TXNRD2: variants seen among roughly 807,000 people sequenced by gnomAD.
TXNRD2 encodes thioredoxin reductase 2, mitochondrial.
A neutral mutation model predicts 70.8 loss-of-function variants in TXNRD2; 67 were observed. The ratio of observed to expected loss-of-function variants is 0.95; its 90% CI spans 0.78 to 1.16. The LOEUF (loss-of-function observed/expected upper bound fraction) is 1.16, where lower values mean the gene tolerates loss of function less well. TXNRD2 is among the 50% of genes most tolerant of loss of function. The probability of loss-of-function intolerance (pLI) is 0.00; values close to 1 mark genes in which losing one functional copy is unlikely to be tolerated. For synonymous variants in TXNRD2, 301 were observed against 295.8 expected (o/e 1.02, Z -0.18); for missense variants, 644 against 719.9 (o/e 0.89, Z 1.21).
At position 19,880,679 on chromosome 22, in the gene TXNRD2, C is replaced by A. The variant is rs751340186; in HGVS notation, c.1125G>T (p.Gly375=). 5.0e-6 allele frequency: 8 copies of A among 1,613,252 alleles called. No homozygotes were observed. The African/African-American group carries it at 9.3e-5, about 19-fold the overall frequency. ...CGAAGAGCCGCTGCACCAGGAGCCT[C>A]CCGGCCATGATCGCTATGGGTGTCA... The part of the protein sequence containing the change: ...PELTPIAIMA[G]RLLVQRLFGG... Residue 375 remains glycine (G), a synonymous_variant, in exon 13 of 18, where the codon GGG becomes GGT. Coordinates refer to ENST00000400521, the MANE Select transcript of TXNRD2 (RefSeq NM_006440.5).
At chr22:19,937,799 T>C (rs1376415567) in intron 1 of TXNRD2, among the ~76,000 whole-genome samples, 1 of 152,196 alleles carries the variant, frequency 6.6e-6, no homozygotes, top group Admixed American at 6.5e-5. Flanking sequence ...AGGGTAAACA[T>C]TGGGCAAGTA....
At chr22:19,911,049 T>C in intron 8 of TXNRD2, 1 of 374,354 alleles carries the variant, frequency 2.7e-6, no homozygotes, top group Admixed American at 3.9e-5. Flanking sequence ...CAATTCAGTT[T>C]GGGGGACAGA....
rs114533157 is a variant in TXNRD2 at position 19,917,217 on chromosome 22, C to T, written c.449+926G>A. Among the ~76,000 whole-genome samples, 776 of 152,286 alleles carry T rather than the reference C, an allele frequency of 5.1e-3. 6 individuals carry two copies. Among genetic ancestry groups the T allele is most frequent in the African/African-American group, 0.017 (723 of 41,560 alleles). On this transcript the variant is annotated intron_variant, in intron 5 of 17. Transcript: ENST00000400521. ...CAGTGGGCTGGGCCTGTTTGGTGCC[C>T]GTCCAGGAGCTGCCCAGGGCAGGGA...
chr22:19,893,372 C>T (rs1010164384), intron 11 of TXNRD2, among the ~76,000 whole-genome samples: 1 of 152,222 alleles, frequency 6.6e-6, no homozygotes, highest in Admixed American at 6.5e-5. Context: ...ATTGGGAAAA[C>T]TAGGAGCCTA....
Position 19,880,743 on chromosome 22 carries a change from G to A in TXNRD2, c.1087-26C>T, listed in dbSNP as rs375205445. 1.3e-4 allele frequency: 200 copies of A among 1,555,420 alleles called. No homozygotes were observed. The East Asian group carries it at 2.0e-3, about 16-fold the overall frequency. ...CTTGGGGAAGGCACAGGGGGGCCAC[G>A]TCAGCACCATGTCCGGGGTTATATG... On this transcript the variant is annotated intron_variant, in intron 12 of 17. Coordinates refer to ENST00000400521, the MANE Select transcript of TXNRD2 (RefSeq NM_006440.5).
chr22:19,880,631 G>T lies in TXNRD2; in HGVS notation c.1173C>A (p.Asp391Glu). The T allele has an allele frequency of 6.2e-7, 1 of 1,613,342 alleles. No homozygotes were observed. ...RLFGGSSDLMDYDNVPTTVFT... is the reference protein window; with the variant it reads ...RLFGGSSDLMEYDNVPTTVFT... Reference sequence around the variant, plus strand: ...CTGCTAGAGAACTCACATTGTCGTAGTCCATCAGATCTGAGGACCCGCCGA... The same window carrying T: ...CTGCTAGAGAACTCACATTGTCGTATTCCATCAGATCTGAGGACCCGCCGA... The change falls in exon 13 of 18, where the codon GAC (aspartate) becomes GAA (glutamate). Residue 391 changes from aspartate to glutamate, a missense_variant. Around this residue, in one of 3 missense-constraint regions of TXNRD2, gnomAD observed 566 missense variants for 645.0 expected, o/e 0.88. Coordinates refer to ENST00000400521, the MANE Select transcript of TXNRD2 (RefSeq NM_006440.5).
At chr22:19,932,004 CA>C (rs1428152613) in intron 1 of TXNRD2, among the ~76,000 whole-genome samples, 3 of 151,164 alleles carry the variant, frequency 2.0e-5, no homozygotes, top group African/African-American at 4.9e-5. Flanking sequence ...ACTAAAAATA[CA>C]AAAAAATTAG....
At chr22:19,915,098 A>G (rs529761156) in intron 7 of TXNRD2, 116 bp downstream of exon 7, 1 of 925,408 alleles carries the variant, frequency 1.1e-6, no homozygotes, top group Admixed American at 2.0e-5. Flanking sequence ...TAGTGAGTAT[A>G]GGGGGAAAGG....
chr22:19,890,575 C>T (rs1477321640), intron 11 of TXNRD2, among the ~76,000 whole-genome samples: 2 of 152,078 alleles, frequency 1.3e-5, no homozygotes, highest in African/African-American at 4.8e-5. Context: ...GCAGCCCCCT[C>T]GCCCGGGCAG....
rs150286276 is a variant in TXNRD2 at position 19,903,483 on chromosome 22, G to A, written c.663-4415C>T. 7.9e-5 allele frequency among the ~76,000 whole-genome samples: 12 copies of A among 152,324 alleles called. No homozygotes were observed. In the South Asian group the frequency reaches 1.9e-3, roughly 24 times the overall value. ...AAAACCTGGCACTGAGGGAGAAGAC[G>A]AAGCCCAGGGCCGTGGGTGTGCAAG... On this transcript the variant is annotated intron_variant, in intron 8 of 17. Coordinates refer to ENST00000400521, the MANE Select transcript of TXNRD2 (RefSeq NM_006440.5).
intron 8 of TXNRD2, among the ~76,000 whole-genome samples, chr22:19,910,526 A>G (rs1056635507): frequency 6.6e-6 from 1 of 152,182 alleles, no homozygotes; most frequent in Admixed American, 6.5e-5. Flanking sequence ...GACTCCATTT[A>G]TATGGCAGTC....
chr22:19,933,644 G>A (rs896147019), intron 1 of TXNRD2: 12 of 479,264 alleles, frequency 2.5e-5, no homozygotes, highest in Non-Finnish European at 3.4e-5. Flanking sequence ...TAGGGCAGTC[G>A]TTTGCAAGCA....
At chr22:19,932,628 G>A (rs1941409990) in intron 1 of TXNRD2, 8 of 1,388,688 alleles carry the variant, frequency 5.8e-6, no homozygotes, top group Non-Finnish European at 7.5e-6. Context: ...CAGTCTGCTG[G>A]GGTGAGGGCA....
intron 1 of TXNRD2, among the ~76,000 whole-genome samples, chr22:19,936,939 G>A (rs1020849982): frequency 6.6e-6 from 1 of 152,138 alleles, no homozygotes; most frequent in African/African-American, 2.4e-5. Flanking sequence ...TAATGCTCAA[G>A]GGGTACAAGT....
rs1480899271 is a variant in TXNRD2 at position 19,919,523 on chromosome 22, T to TC, written c.229+19dup. On this transcript the variant is annotated intron_variant, in intron 3 of 17. Transcript: ENST00000400521. ...CACCTCCTTCCCCAGGACACCCGGC[T>TC]CCCATAGGGTGCTGCCTACCTTGGG... 6.4e-7 allele frequency: 1 copy of TC among 1,554,700 alleles called. No individual in the cohort carries two copies. Among genetic ancestry groups the TC allele is most frequent in the Non-Finnish European group, 8.7e-7 (1 of 1,149,186 alleles).
At chr22:19,896,449 C>A (rs1015410216) in intron 10 of TXNRD2, among the ~76,000 whole-genome samples, 25 of 152,210 alleles carry the variant, frequency 1.6e-4, no homozygotes, top group Admixed American at 6.5e-4. Context: ...CCTGGTCCAA[C>A]AAGATGGCCC....
intron 7 of TXNRD2, 166 bp downstream of exon 7, chr22:19,915,048 C>A: frequency 1.4e-6 from 1 of 699,580 alleles, no homozygotes; most frequent in South Asian, 1.6e-5. Context: ...CACATTTCAG[C>A]AGTGTGGATT....
chr22:19,931,273 G>A (rs916672503), intron 1 of TXNRD2, among the ~76,000 whole-genome samples, 175 bp from the exon 2 acceptor site: 1 of 152,226 alleles, frequency 6.6e-6, no homozygotes, highest in Non-Finnish European at 1.5e-5. Flanking sequence ...CAGAGACCAA[G>A]CCATATGGTG....
At chr22:19,893,872 A>G (rs911454891) in intron 11 of TXNRD2, 4 of 152,250 alleles carry the variant, frequency 2.6e-5, no homozygotes, top group African/African-American at 9.6e-5. Flanking sequence ...AAAGGGACCC[A>G]CTGGGAAACA....
Sources: allele counts gnomAD v4.1 joint callset (sites outside exome capture counted in the v4.1 genomes callset), GRCh38; gene constraint gnomAD v4.1.1; regional missense constraint gnomAD v4.1.1; transcripts MANE v1.5; gene names NCBI Gene and HGNC (gene_info 2026-07-23, HGNC 2026-07-21).